Variants in TMBIM4 observed in about 807,000 individuals in gnomAD.
TMBIM4 encodes the protein transmembrane BAX inhibitor motif containing 4, also known as protein lifeguard 4.
Under a neutral mutation model 27.7 loss-of-function variants are expected in TMBIM4, and 28 were observed. The ratio of observed to expected loss-of-function variants is 1.01; its 90% CI spans 0.75 to 1.38. TMBIM4 has a LOEUF of 1.38. Ranked by LOEUF, TMBIM4 falls within the 40% of genes most tolerant of loss-of-function variation. The probability of loss-of-function intolerance (pLI) is 0.00; values close to 1 mark genes in which losing one functional copy is unlikely to be tolerated. For missense variants in TMBIM4, 265 were observed against 277.5 expected, an observed-to-expected ratio of 0.95 and a Z score of 0.32; for synonymous variants, 115 against 113.1, an observed-to-expected ratio of 1.02 and a Z score of -0.11.
In TMBIM4 at chr12:66,138,781, C is replaced by G. The variant is rs2051618679; in HGVS notation, c.465-12G>C. On this transcript the variant is annotated splice_polypyrimidine_tract_variant and intron_variant, in intron 5 of 6. Transcript: ENST00000358230. ...AAAGAGCAAACAGCCTATAAAAATACAATTTTAGTAATTTGCAATATTGTT... is the reference window on the plus strand; with the variant it reads ...AAAGAGCAAACAGCCTATAAAAATAGAATTTTAGTAATTTGCAATATTGTT... The G allele has an allele frequency of 6.5e-7, 1 of 1,531,702 alleles. No homozygotes were observed. Among genetic ancestry groups the G allele is most frequent in the Admixed American group, 2.4e-5 (1 of 41,836 alleles). The allele number at this position is 1,531,702 out of a possible 1,614,324, so 94.9% of individuals were successfully genotyped here.
chr12:66,160,030 GGTTTTGT>G (rs2052007897), intron 1 of TMBIM4: 1 of 563,604 alleles, frequency 1.8e-6, no homozygotes, highest in African/African-American at 1.9e-5. Context: ...CCCACTACCT[GGTTTTGT>G]AACTGAAGTT....
intron 1 of TMBIM4, 32 bp downstream of exon 1, chr12:66,169,823 G>T: frequency 6.7e-7 from 1 of 1,483,286 alleles, no homozygotes. Flanking sequence ...GCAGACAAGC[G>T]GCTGGGAGGC....
intron 5 of TMBIM4, 43 bp from the exon 6 acceptor site, chr12:66,138,812 CA>C (rs556653252): frequency 8.3e-6 from 12 of 1,444,346 alleles, no homozygotes; most frequent in South Asian, 1.6e-5. Flanking sequence ...TTGTTCCTTA[CA>C]AAAAAACTTT....
At chr12:66,160,382 G>A in intron 1 of TMBIM4, 1 of 576,552 alleles carries the variant, frequency 1.7e-6, no homozygotes, top group South Asian at 2.2e-5. Flanking sequence ...TTATAGTAAA[G>A]TCATAATGGA....
intron 5 of TMBIM4, among the ~76,000 whole-genome samples, chr12:66,140,353 GA>G: frequency 6.6e-6 from 1 of 152,002 alleles, no homozygotes; most frequent in South Asian, 2.1e-4. Context: ...TACAATATAT[GA>G]AACACAAATA....
At chr12:66,168,247 CA>C (rs1337573080) in intron 1 of TMBIM4, among the ~76,000 whole-genome samples, 1 of 150,134 alleles carries the variant, frequency 6.7e-6, no homozygotes, top group African/African-American at 2.4e-5. Flanking sequence ...GAAATTCTGA[CA>C]TATGCCACAA....
At chr12:66,139,229 T>C (rs1259935831) in intron 5 of TMBIM4, among the ~76,000 whole-genome samples, 2 of 152,180 alleles carry the variant, frequency 1.3e-5, no homozygotes, top group African/African-American at 4.8e-5. Context: ...TGGAACTTAA[T>C]TGATGGACAC....
intron 1 of TMBIM4, among the ~76,000 whole-genome samples, chr12:66,163,634 T>A (rs1194664443): frequency 6.6e-6 from 1 of 152,054 alleles, no homozygotes; most frequent in Non-Finnish European, 1.5e-5. Flanking sequence ...TCCCACCTGG[T>A]CCCTCCCACA....
At chr12:66,160,802 C>T (rs888261057) in intron 1 of TMBIM4, among the ~76,000 whole-genome samples, 1 of 151,974 alleles carries the variant, frequency 6.6e-6, no homozygotes, top group African/African-American at 2.4e-5. Flanking sequence ...AGGGCGGCGG[C>T]CGGGCAGAGG....
chr12:66,169,496 G>T, intron 1 of TMBIM4: 1 of 486,876 alleles, frequency 2.1e-6, no homozygotes, highest in Non-Finnish European at 3.6e-6. Context: ...GTGATCAACC[G>T]ACTCATTTCC....
At chr12:66,148,163 C>A (rs535478453) in intron 3 of TMBIM4, among the ~76,000 whole-genome samples, 3 of 152,168 alleles carry the variant, frequency 2.0e-5, no homozygotes, top group Non-Finnish European at 4.4e-5. Context: ...TACTATGACT[C>A]TTTAAGCTCT....
intron 1 of TMBIM4, among the ~76,000 whole-genome samples, chr12:66,165,318 G>A (rs959457557): frequency 5.9e-5 from 9 of 151,742 alleles, no homozygotes; most frequent in Non-Finnish European, 1.2e-4. Context: ...TTATTACAAA[G>A]CCACAGTAAT....
chr12:66,136,458 A>G lies in TMBIM4; in HGVS notation c.*1502T>C, dbSNP rs1259508035. 3 of 154,338 alleles carry G rather than the reference A, an allele frequency of 1.9e-5. No individual in the cohort carries two copies. The highest frequency in any genetic ancestry group is 7.2e-5 in the African/African-American group (3 of 41,516). The allele number at this position is 154,338 out of a possible 1,614,324, so 9.6% of individuals were successfully genotyped here. A position where few individuals can be genotyped will look rare whatever the true frequency, so the allele number is the denominator to read the frequency against. On this transcript the variant is annotated 3_prime_UTR_variant, in exon 7 of 7. Transcript: ENST00000358230. Reference sequence around the variant, plus strand: ...TCAACTTAATAGCTGGGAAATACTTAGGGGGTGTTATGGGCTGAGTTGTAG... The same window carrying G: ...TCAACTTAATAGCTGGGAAATACTTGGGGGGTGTTATGGGCTGAGTTGTAG...
At chr12:66,144,072 G>A (rs1254769404) in intron 5 of TMBIM4, among the ~76,000 whole-genome samples, 1 of 152,086 alleles carries the variant, frequency 6.6e-6, no homozygotes, top group Non-Finnish European at 1.5e-5. Context: ...TGAAGTGTTA[G>A]GGTTTTAAAT....
chr12:66,158,618 C>T (rs1049881110), intron 1 of TMBIM4, among the ~76,000 whole-genome samples: 4 of 151,190 alleles, frequency 2.6e-5, no homozygotes, highest in African/African-American at 9.7e-5. Context: ...TGCACTGCAG[C>T]CTGGTGACAG....
intron 5 of TMBIM4, among the ~76,000 whole-genome samples, chr12:66,145,585 C>G (rs755042200): frequency 2.0e-5 from 3 of 150,390 alleles, no homozygotes; most frequent in Non-Finnish European, 4.4e-5. Context: ...CAAGCTTAAA[C>G]TCTCTGGAAA....
intron 4 of TMBIM4, among the ~76,000 whole-genome samples, chr12:66,147,119 C>T (rs2051764737): frequency 6.6e-6 from 1 of 151,684 alleles, no homozygotes; most frequent in South Asian, 2.1e-4. Flanking sequence ...AGCTTCAATC[C>T]TATTTATTAT....
At chr12:66,138,847 A>G (rs1378294947) in intron 5 of TMBIM4, 78 bp from the exon 6 acceptor site, 3 of 1,366,136 alleles carry the variant, frequency 2.2e-6, no homozygotes, top group South Asian at 4.2e-5. Flanking sequence ...ACACTTTCTG[A>G]AAAAAACATC....
chr12:66,136,850 G>C lies in TMBIM4; in HGVS notation c.*1110C>G, dbSNP rs1440845311. 1 of 152,228 alleles carries C rather than the reference G, an allele frequency of 6.6e-6. No homozygotes were observed. The highest frequency in any genetic ancestry group is 6.5e-5 in the Admixed American group (1 of 15,282). 9.4% of individuals were successfully genotyped at this position (152,228 alleles called of 1,614,324 possible). On this transcript the variant is annotated 3_prime_UTR_variant, in exon 7 of 7. Transcript: ENST00000358230. ...TATGGCAGCCTAACAAACTAGTACA[G>C]TGAGGGAATTTGACAAAATTTCATT...
Sources: gnomAD v4.1 joint callset for allele counts (sites outside exome capture counted in the v4.1 genomes callset) on GRCh38, gnomAD v4.1.1 for gene constraint, MANE v1.5 for transcripts, NCBI Gene and HGNC (gene_info 2026-07-23, HGNC 2026-07-21) for gene names.